HS3ST5: variants seen among roughly 807,000 people sequenced by gnomAD.
The protein encoded by HS3ST5 is heparan sulfate-glucosamine 3-sulfotransferase 5, also known as heparan sulfate glucosamine 3-O-sulfotransferase 5.
HS3ST5 carries 10 observed loss-of-function variants against 25.4 expected under a neutral mutation model. The observed-to-expected ratio is 0.39, with a 90% CI of 0.24 to 0.67. HS3ST5 has a LOEUF of 0.67. Among genes scored for constraint, HS3ST5 ranks in the 30% least tolerant of loss-of-function variants. The probability of loss-of-function intolerance (pLI) is 0.44; values close to 1 mark genes in which losing one functional copy is unlikely to be tolerated. For synonymous variants in HS3ST5, 170 were observed against 162.4 expected (o/e 1.05, Z -0.36); for missense variants, 324 against 420.7 (o/e 0.77, Z 2.01).
chr6:114,188,734 A>G (rs532371991), intron 2 of HS3ST5, among the ~76,000 whole-genome samples: 1 of 152,244 alleles, frequency 6.6e-6, no homozygotes, highest in South Asian at 2.1e-4. Context: ...CACTCTCCCT[A>G]CACTTACCAC....
intron 2 of HS3ST5, among the ~76,000 whole-genome samples, chr6:114,214,162 T>A (rs1287680497): frequency 1.3e-5 from 2 of 152,224 alleles, no homozygotes; most frequent in African/African-American, 2.4e-5. Context: ...CCCTATAGCA[T>A]TTATCACTTT....
intron 1 of HS3ST5, among the ~76,000 whole-genome samples, chr6:114,263,336 A>T (rs1253997606): frequency 6.6e-6 from 1 of 152,080 alleles, no homozygotes; most frequent in Admixed American, 6.5e-5. Flanking sequence ...ATGGAAAAAA[A>T]CTTATAAGAA....
At chr6:114,178,413 T>A (rs1482199915) in intron 2 of HS3ST5, among the ~76,000 whole-genome samples, 1 of 151,980 alleles carries the variant, frequency 6.6e-6, no homozygotes, top group Non-Finnish European at 1.5e-5. Context: ...TAGTCTCTAA[T>A]TATTTATGCA....
chr6:114,277,744 G>A (rs530541179), intron 1 of HS3ST5, among the ~76,000 whole-genome samples: 71 of 151,928 alleles, frequency 4.7e-4, no homozygotes, highest in Middle Eastern at 3.4e-3. Context: ...CACTAACTTC[G>A]GGAAAAGCCA....
At chr6:114,141,585 T>G (rs1328942549) in intron 3 of HS3ST5, among the ~76,000 whole-genome samples, 1 of 152,228 alleles carries the variant, frequency 6.6e-6, no homozygotes, top group Non-Finnish European at 1.5e-5. Flanking sequence ...TTGTTCTTTT[T>G]AACTATAAAG....
chr6:114,080,153 T>C (rs1242213401), intron 3 of HS3ST5, among the ~76,000 whole-genome samples: 1 of 152,314 alleles, frequency 6.6e-6, no homozygotes, highest in Non-Finnish European at 1.5e-5. Flanking sequence ...ATGGATATTG[T>C]AATAGAAGGC....
chr6:114,151,834 A>ATTATT (rs1778464351), intron 3 of HS3ST5, among the ~76,000 whole-genome samples: 1 of 152,180 alleles, frequency 6.6e-6, no homozygotes, highest in Admixed American at 6.5e-5. Context: ...TTTCAAGGTC[A>ATTATT]TTATTTTTCA....
intron 2 of HS3ST5, among the ~76,000 whole-genome samples, chr6:114,197,488 A>AT (rs1293005853): frequency 6.6e-6 from 1 of 151,982 alleles, no homozygotes; most frequent in Non-Finnish European, 1.5e-5. Context: ...TTTAATTTCC[A>AT]TTTTTATTTA....
At chr6:114,061,538 G>A (rs1220022303) in intron 4 of HS3ST5, among the ~76,000 whole-genome samples, 3 of 152,180 alleles carry the variant, frequency 2.0e-5, no homozygotes, top group African/African-American at 7.2e-5. Flanking sequence ...TTAAATTTTG[G>A]AAGGAAAAGA....
chr6:114,294,261 T>G (rs578215681), intron 1 of HS3ST5, among the ~76,000 whole-genome samples: 19 of 152,142 alleles, frequency 1.2e-4, no homozygotes, highest in African/African-American at 4.6e-4. Context: ...AACACCACAA[T>G]GCTTACACTT....
At chr6:114,188,451 G>A (rs561233489) in intron 2 of HS3ST5, among the ~76,000 whole-genome samples, 2 of 152,242 alleles carry the variant, frequency 1.3e-5, no homozygotes, top group Non-Finnish European at 2.9e-5. Context: ...AAAACATTTG[G>A]TCTCTATTTT....
At chr6:114,245,193 T>A (rs558307770) in intron 1 of HS3ST5, among the ~76,000 whole-genome samples, 13 of 152,300 alleles carry the variant, frequency 8.5e-5, no homozygotes, top group Non-Finnish European at 1.3e-4. Flanking sequence ...AGGCAGCATC[T>A]TGCCTAAGAC....
At chr6:114,060,138 C>A (rs566006411) in intron 4 of HS3ST5, among the ~76,000 whole-genome samples, 1 of 152,088 alleles carries the variant, frequency 6.6e-6, no homozygotes, top group East Asian at 1.9e-4. Flanking sequence ...CTCAGCCTCC[C>A]GAGTAGCTGG....
At chr6:114,134,119 G>T (rs1050995202) in intron 3 of HS3ST5, among the ~76,000 whole-genome samples, 2 of 152,176 alleles carry the variant, frequency 1.3e-5, no homozygotes, top group Non-Finnish European at 2.9e-5. Context: ...GGCAAGCCTT[G>T]TGTCTGGAGG....
At chr6:114,211,322 G>T (rs1268051528) in intron 2 of HS3ST5, among the ~76,000 whole-genome samples, 1 of 151,914 alleles carries the variant, frequency 6.6e-6, no homozygotes, top group Admixed American at 6.6e-5. Flanking sequence ...TATTTCCTCG[G>T]ATTTAGCCCA....
chr6:114,081,641 T>C (rs1004941070), intron 3 of HS3ST5, among the ~76,000 whole-genome samples: 2 of 152,214 alleles, frequency 1.3e-5, no homozygotes, highest in African/African-American at 4.8e-5. Context: ...TTGAATAATT[T>C]CTGAGAATGA....
At chr6:114,208,469 A>G (rs1781373937) in intron 2 of HS3ST5, among the ~76,000 whole-genome samples, 1 of 152,186 alleles carries the variant, frequency 6.6e-6, no homozygotes. Flanking sequence ...GTATCATTTA[A>G]TCTTCATGAC....
chr6:114,169,599 G>A (rs971973276), intron 2 of HS3ST5, among the ~76,000 whole-genome samples: 1 of 152,036 alleles, frequency 6.6e-6, no homozygotes, highest in African/African-American at 2.4e-5. Context: ...GAACTTCTTG[G>A]CATATCCATA....
At chr6:114,207,555 T>C (rs1286886585) in intron 2 of HS3ST5, among the ~76,000 whole-genome samples, 2 of 152,162 alleles carry the variant, frequency 1.3e-5, no homozygotes, top group East Asian at 3.9e-4. Context: ...TACTGTTTCA[T>C]GCCAAGCATT....
Sources: gnomAD v4.1 joint callset for allele counts (sites outside exome capture counted in the v4.1 genomes callset) on GRCh38, gnomAD v4.1.1 for gene constraint, MANE v1.5 for transcripts, NCBI Gene and HGNC (gene_info 2026-07-23, HGNC 2026-07-21) for gene names.